The following DCC variants were observed in gnomAD, a reference collection of about 807,000 sequenced individuals.
DCC encodes the protein netrin receptor DCC.
A neutral mutation model predicts 172.5 loss-of-function variants in DCC; 58 were observed. The ratio of observed to expected loss-of-function variants is 0.34; its 90% confidence interval spans 0.27 to 0.42. The LOEUF is 0.42. Among genes scored for constraint, DCC ranks in the 10% least tolerant of loss-of-function variants. DCC has a pLI of 1.00. For synonymous variants in DCC, 709 were observed against 644.5 expected, an observed-to-expected ratio of 1.10 and a Z score of -1.52; for missense variants, 1,740 against 1,791.0, an observed-to-expected ratio of 0.97 and a Z score of 0.51.
intron 12 of DCC, among the ~76,000 whole-genome samples, chr18:53,241,567 A>T (rs1178214054): frequency 1.3e-5 from 2 of 152,134 alleles, no homozygotes; most frequent in Non-Finnish European, 2.9e-5. Context: ...CTGAGAGTGG[A>T]GAAAAGTGTC....
At chr18:53,466,326 G>C (rs2045620598) in intron 24 of DCC, among the ~76,000 whole-genome samples, 1 of 152,136 alleles carries the variant, frequency 6.6e-6, no homozygotes, top group Non-Finnish European at 1.5e-5. Context: ...TTTTAGGTCA[G>C]TCTTGTGATC....
intron 21 of DCC, among the ~76,000 whole-genome samples, chr18:53,423,687 A>G (rs2145083369): frequency 6.6e-6 from 1 of 151,912 alleles, no homozygotes. Flanking sequence ...TCCTATTTTT[A>G]TTGTGTTTTC....
At chr18:52,666,359 T>C (rs542119158) in intron 1 of DCC, among the ~76,000 whole-genome samples, 1 of 152,124 alleles carries the variant, frequency 6.6e-6, no homozygotes, top group Non-Finnish European at 1.5e-5. Flanking sequence ...TTTTCCAATA[T>C]GTGAATATAA....
chr18:52,691,306 C>T (rs2035927056), intron 1 of DCC, among the ~76,000 whole-genome samples: 1 of 152,048 alleles, frequency 6.6e-6, no homozygotes, highest in South Asian at 2.1e-4. Flanking sequence ...GCTCACTTGT[C>T]CCCCAACATA....
chr18:53,206,960 C>G (rs1475269371), intron 10 of DCC, among the ~76,000 whole-genome samples: 1 of 152,066 alleles, frequency 6.6e-6, no homozygotes, highest in African/African-American at 2.4e-5. Flanking sequence ...AAGAGCTCCT[C>G]CTATGTAATC....
At chr18:53,017,690 G>A (rs772061727) in intron 5 of DCC, among the ~76,000 whole-genome samples, 2 of 152,100 alleles carry the variant, frequency 1.3e-5, no homozygotes, top group Non-Finnish European at 2.9e-5. Context: ...ATGTATACAT[G>A]CTCATAGATG....
At chr18:52,675,366 C>A (rs751409399) in intron 1 of DCC, among the ~76,000 whole-genome samples, 1 of 152,090 alleles carries the variant, frequency 6.6e-6, no homozygotes, top group African/African-American at 2.4e-5. Flanking sequence ...AATCCCAGGT[C>A]TTTGGATAAA....
chr18:52,794,439 T>C (rs9949074), intron 2 of DCC, among the ~76,000 whole-genome samples: 1 of 152,120 alleles, frequency 6.6e-6, no homozygotes, highest in Non-Finnish European at 1.5e-5. Context: ...CCTTCATTTT[T>C]AAAATCTAGT....
Position 52,450,121 on chromosome 18 carries a change from T to A in DCC, c.91+109243T>A, listed in dbSNP as rs1007997096. ...AGCCTGTCTCAAACCGAGACTTAAA[T>A]GTAATGAAACTGCCTTTGGTCCATG... On this transcript the variant is annotated intron_variant, in intron 1 of 28. Transcript: ENST00000442544. Among the ~76,000 whole-genome samples, 8 of 152,234 alleles carry A rather than the reference T, an allele frequency of 5.3e-5. No homozygotes were observed. In the South Asian group the frequency reaches 1.4e-3, roughly 28 times the overall value.
In DCC at chr18:53,273,873, G is replaced by A. The variant is rs139622199; in HGVS notation, c.1912-31705G>A. On this transcript the variant is annotated intron_variant, in intron 12 of 28. Transcript: ENST00000442544. ...CATGTGACCCTGGCACATCTGTGAG[G>A]CACCAGCACATGTACTCCACAGCCA... 4.2e-4 allele frequency among the ~76,000 whole-genome samples: 64 copies of A among 152,076 alleles called. No homozygotes were observed. In the East Asian group the frequency reaches 7.8e-3, roughly 18 times the overall value.
chr18:53,022,683 T>C (rs2041898228), intron 5 of DCC, among the ~76,000 whole-genome samples: 1 of 152,028 alleles, frequency 6.6e-6, no homozygotes, highest in Admixed American at 6.6e-5. Context: ...CAGATTATTT[T>C]TCTCCTTTTG....
At chr18:53,346,637 T>C (rs1476134826) in intron 15 of DCC, among the ~76,000 whole-genome samples, 1 of 152,158 alleles carries the variant, frequency 6.6e-6, no homozygotes, top group Non-Finnish European at 1.5e-5. Context: ...ATCTCCATTT[T>C]TTTCTACATT....
At chr18:52,405,099 T>C (rs1172246833) in intron 1 of DCC, among the ~76,000 whole-genome samples, 1 of 151,460 alleles carries the variant, frequency 6.6e-6, no homozygotes, top group Non-Finnish European at 1.5e-5. Flanking sequence ...TCTTTGCTAT[T>C]GTGAATAATG....
chr18:53,157,632 A>T, intron 8 of DCC, 120 bp downstream of exon 8: 1 of 989,752 alleles, frequency 1.0e-6, no homozygotes, highest in Non-Finnish European at 1.6e-6. Context: ...AATCTCTACT[A>T]TGTCCTTCAC....
chr18:52,800,796 A>G (rs183353508), intron 2 of DCC, among the ~76,000 whole-genome samples: 257 of 152,314 alleles, frequency 1.7e-3, no homozygotes, highest in Non-Finnish European at 3.0e-3. Flanking sequence ...CTGATGTATC[A>G]GTTATTGTTG....
At chr18:53,230,646 A>G (rs1188865856) in intron 12 of DCC, among the ~76,000 whole-genome samples, 1 of 152,096 alleles carries the variant, frequency 6.6e-6, no homozygotes, top group Non-Finnish European at 1.5e-5. Flanking sequence ...AAATTGTAGT[A>G]TAATAGGCTA....
chr18:52,755,440 C>G (rs532572906), intron 2 of DCC, among the ~76,000 whole-genome samples: 1 of 152,170 alleles, frequency 6.6e-6, no homozygotes, highest in Non-Finnish European at 1.5e-5. Context: ...GATAGGCACA[C>G]GGATTCAGTC....
intron 2 of DCC, among the ~76,000 whole-genome samples, chr18:52,875,396 G>A (rs2039388890): frequency 6.6e-6 from 1 of 152,052 alleles, no homozygotes; most frequent in South Asian, 2.1e-4. Flanking sequence ...AAGAAAAGTT[G>A]GTAGCATTAC....
At chr18:53,366,277 A>T (rs1201218092) in intron 15 of DCC, among the ~76,000 whole-genome samples, 2 of 152,014 alleles carry the variant, frequency 1.3e-5, no homozygotes, top group African/African-American at 4.8e-5. Flanking sequence ...AGAACCCCTG[A>T]CCTCAGGTGA....
Sources: allele counts gnomAD v4.1 joint callset (sites outside exome capture counted in the v4.1 genomes callset), GRCh38; gene constraint gnomAD v4.1.1; transcripts MANE v1.5; gene names NCBI Gene and HGNC (gene_info 2026-07-23, HGNC 2026-07-21).